Variants in ADGRL3 observed in about 807,000 individuals in gnomAD.
The protein encoded by ADGRL3 is adhesion G protein-coupled receptor L3.
ADGRL3 carries 62 observed loss-of-function variants against 153.5 expected under a neutral mutation model. The observed-to-expected ratio is 0.40, with a 90% CI of 0.33 to 0.50. The LOEUF is 0.50. Among genes scored for constraint, ADGRL3 ranks in the 20% least tolerant of loss-of-function variants. The probability of loss-of-function intolerance (pLI) is 0.47; values close to 1 mark genes in which losing one functional copy is unlikely to be tolerated. For missense variants in ADGRL3, 1,641 were observed against 1,859.4 expected, an observed-to-expected ratio of 0.88 and a Z score of 2.16; for synonymous variants, 710 against 672.5, an observed-to-expected ratio of 1.06 and a Z score of -0.86.
At chr4:61,398,785 C>T (rs1020387345) in intron 2 of ADGRL3, among the ~76,000 whole-genome samples, 3 of 151,614 alleles carry the variant, frequency 2.0e-5, no homozygotes, top group African/African-American at 7.2e-5. Context: ...TTCAAAGGAT[C>T]TTTCAAAATC....
At chr4:61,428,602 T>A (rs1021790227) in intron 2 of ADGRL3, among the ~76,000 whole-genome samples, 18 of 152,242 alleles carry the variant, frequency 1.2e-4, no homozygotes, top group African/African-American at 4.3e-4. Flanking sequence ...GTGTGTTGTC[T>A]GTTTCTGCCA....
At chr4:61,863,978 G>A (rs191674296) in intron 9 of ADGRL3, among the ~76,000 whole-genome samples, 33 of 152,220 alleles carry the variant, frequency 2.2e-4, no homozygotes, top group African/African-American at 7.2e-4. Context: ...GTCTAGTTCT[G>A]CAAGAGAATA....
rs887787060 is a variant in ADGRL3, at chr4:61,459,534, G to A, written c.-173-37587G>A. On this transcript the variant is annotated intron_variant, in intron 2 of 26. Transcript: ENST00000683033. ...TAAACATTGGTAAAGAGGTATCTTC[G>A]ATATATTATTAATTTCCTTTCCTGT... 4.0e-5 allele frequency among the ~76,000 whole-genome samples: 6 copies of A among 151,856 alleles called. No homozygotes were observed. The South Asian group carries it at 1.0e-3, about 26-fold the overall frequency.
At chr4:61,291,218 G>GCACACACACGCACACACGCACACA (rs2094180909) in intron 1 of ADGRL3, among the ~76,000 whole-genome samples, 1 of 134,006 alleles carries the variant, frequency 7.5e-6, no homozygotes, top group Non-Finnish European at 1.6e-5. Context: ...ACACACACAC[G>GCACACACACGCACACACGCACACA]CACACACACA....
intron 8 of ADGRL3, among the ~76,000 whole-genome samples, chr4:61,763,459 C>A (rs1300676764): frequency 6.6e-6 from 1 of 151,878 alleles, no homozygotes; most frequent in Non-Finnish European, 1.5e-5. Flanking sequence ...AGCAACATTT[C>A]TTTTTCAGAG....
chr4:61,832,023 G>T (rs1192912345), intron 9 of ADGRL3, among the ~76,000 whole-genome samples: 1 of 152,100 alleles, frequency 6.6e-6, no homozygotes, highest in Non-Finnish European at 1.5e-5. Context: ...TAAACCACCA[G>T]ATGCATTTGG....
At chr4:61,370,027 G>A (rs868858277) in intron 1 of ADGRL3, among the ~76,000 whole-genome samples, 30 of 152,016 alleles carry the variant, frequency 2.0e-4, no homozygotes, top group African/African-American at 5.8e-4. Context: ...AGAGGTGTTT[G>A]TAGTATTCTC....
At chr4:61,218,378 A>G (rs1743843943) in intron 1 of ADGRL3, among the ~76,000 whole-genome samples, 2 of 152,076 alleles carry the variant, frequency 1.3e-5, no homozygotes, top group South Asian at 4.1e-4. Flanking sequence ...CAGCACGATT[A>G]TGGCTCACTG....
chr4:61,385,115 G>A (rs747398776), intron 2 of ADGRL3, among the ~76,000 whole-genome samples: 2 of 151,928 alleles, frequency 1.3e-5, no homozygotes, highest in Non-Finnish European at 2.9e-5. Flanking sequence ...AACATTTAAC[G>A]GGGCAACAAT....
intron 1 of ADGRL3, among the ~76,000 whole-genome samples, chr4:61,231,335 T>C (rs1001561393): frequency 6.6e-6 from 1 of 152,136 alleles, no homozygotes; most frequent in African/African-American, 2.4e-5. Context: ...GAAACAGAAA[T>C]TGGAAGACAT....
At chr4:61,475,709 T>C (rs1316788133) in intron 2 of ADGRL3, among the ~76,000 whole-genome samples, 1 of 152,152 alleles carries the variant, frequency 6.6e-6, no homozygotes, top group Non-Finnish European at 1.5e-5. Context: ...TTTGATAATG[T>C]TTCAAGGATT....
chr4:61,821,584 C>G (rs1397174669), intron 9 of ADGRL3, among the ~76,000 whole-genome samples: 1 of 151,878 alleles, frequency 6.6e-6, no homozygotes, highest in African/African-American at 2.4e-5. Flanking sequence ...TAGGTAGTGT[C>G]TTAATAAGAA....
intron 4 of ADGRL3, among the ~76,000 whole-genome samples, chr4:61,554,442 C>G (rs986351560): frequency 1.3e-5 from 2 of 152,012 alleles, no homozygotes; most frequent in African/African-American, 4.8e-5. Flanking sequence ...ATGATCCACC[C>G]GCCTCGGCCT....
chr4:61,395,239 C>T (rs1042652563), intron 2 of ADGRL3, among the ~76,000 whole-genome samples: 3 of 151,914 alleles, frequency 2.0e-5, no homozygotes, highest in East Asian at 1.9e-4. Flanking sequence ...AATGCTTCTT[C>T]TCATTACACC....
At chr4:61,425,756 TCATTCACGGA>T (rs2097270720) in intron 2 of ADGRL3, among the ~76,000 whole-genome samples, 2 of 152,146 alleles carry the variant, frequency 1.3e-5, no homozygotes, top group African/African-American at 4.8e-5. Context: ...CTATGAACAG[TCATTCACGGA>T]GGCCATATAT....
At chr4:61,716,633 T>A (rs941729661) in intron 6 of ADGRL3, among the ~76,000 whole-genome samples, 3 of 152,154 alleles carry the variant, frequency 2.0e-5, no homozygotes, top group Non-Finnish European at 2.9e-5. Context: ...CAATAATATG[T>A]ATTGTGCAAT....
intron 1 of ADGRL3, among the ~76,000 whole-genome samples, chr4:61,291,652 TAG>T (rs1397673273): frequency 9.2e-6 from 1 of 108,230 alleles, no homozygotes; most frequent in Non-Finnish European, 2.0e-5. Flanking sequence ...TATGCATGTA[TAG>T]AGAGAAAGAG....
chr4:61,432,637 TCTTTC>T, intron 2 of ADGRL3, among the ~76,000 whole-genome samples: 1 of 82,630 alleles, frequency 1.2e-5, no homozygotes, highest in Admixed American at 1.3e-4. Context: ...TTTCTTTCTT[TCTTTC>T]TTTCTTTCTT....
At chr4:61,780,839 G>C (rs2152379262) in intron 8 of ADGRL3, among the ~76,000 whole-genome samples, 1 of 152,298 alleles carries the variant, frequency 6.6e-6, no homozygotes, top group South Asian at 2.1e-4. Flanking sequence ...CCTGAATCAG[G>C]CTGATGTGTT....
Sources: allele counts gnomAD v4.1 joint callset (sites outside exome capture counted in the v4.1 genomes callset), GRCh38; gene constraint gnomAD v4.1.1; transcripts MANE v1.5; gene names NCBI Gene and HGNC (gene_info 2026-07-23, HGNC 2026-07-21).